The following LRRC49 variants were observed in gnomAD, a reference collection of about 807,000 sequenced individuals.
The protein encoded by LRRC49 is leucine-rich repeat-containing protein 49.
In LRRC49, 50 loss-of-function variants were observed where a neutral mutation model predicts 83.3. The ratio of observed to expected loss-of-function variants is 0.60; its 90% CI spans 0.48 to 0.76. LRRC49 has a LOEUF of 0.76. Among genes scored for constraint, LRRC49 ranks in the 30% least tolerant of loss-of-function variants. The pLI is 0.00. For missense variants in LRRC49, 704 were observed against 809.1 expected, an observed-to-expected ratio of 0.87 and a Z score of 1.58; for synonymous variants, 286 against 283.3, an observed-to-expected ratio of 1.01 and a Z score of -0.10.
intron 11 of LRRC49, among the ~76,000 whole-genome samples, chr15:70,997,362 G>T (rs1419906523): frequency 8.6e-5 from 13 of 151,968 alleles, no homozygotes; most frequent in Non-Finnish European, 1.5e-5. Context: ...GCTCTCTTTT[G>T]GTTACTGTTT....
At chr15:70,984,677 G>A (rs1441359679) in intron 11 of LRRC49, 1 of 153,174 alleles carries the variant, frequency 6.5e-6, no homozygotes, top group Non-Finnish European at 1.4e-5. Flanking sequence ...TGTGCACAAT[G>A]TGCAGGTTAG....
At chr15:70,862,956 G>A (rs993357654) in intron 1 of LRRC49, among the ~76,000 whole-genome samples, 1 of 152,228 alleles carries the variant, frequency 6.6e-6, no homozygotes, top group Non-Finnish European at 1.5e-5. Context: ...GTTGTACACA[G>A]CACGAGGATG....
At chr15:70,990,461 G>C (rs1171053722) in intron 11 of LRRC49, among the ~76,000 whole-genome samples, 1 of 152,208 alleles carries the variant, frequency 6.6e-6, no homozygotes, top group Non-Finnish European at 1.5e-5. Flanking sequence ...TAATCTCCTG[G>C]TGCGCCGTTT....
chr15:70,966,738 G>T (rs2036808344), intron 9 of LRRC49, among the ~76,000 whole-genome samples: 1 of 151,968 alleles, frequency 6.6e-6, no homozygotes, highest in Non-Finnish European at 1.5e-5. Flanking sequence ...TGGCCTAGAG[G>T]CACTGTGAAA....
At chr15:70,893,702 G>A in intron 2 of LRRC49, 62 bp downstream of exon 2, 1 of 1,272,164 alleles carries the variant, frequency 7.9e-7, no homozygotes. Flanking sequence ...ACAAATAGCA[G>A]CATGACTTAA....
At chr15:71,045,500 A>G (rs1400242459) in intron 15 of LRRC49, among the ~76,000 whole-genome samples, 1 of 152,170 alleles carries the variant, frequency 6.6e-6, no homozygotes, top group East Asian at 1.9e-4. Flanking sequence ...GAGATTCAGT[A>G]TTCTACAGAG....
chr15:70,863,148 G>A (rs925422271), intron 1 of LRRC49, among the ~76,000 whole-genome samples: 24 of 152,140 alleles, frequency 1.6e-4, no homozygotes, highest in African/African-American at 5.8e-4. Context: ...TAAGGTAGAG[G>A]CAAACTGAAA....
intron 14 of LRRC49, among the ~76,000 whole-genome samples, chr15:71,018,069 G>A (rs1014234030): frequency 2.6e-5 from 4 of 152,054 alleles, no homozygotes; most frequent in Non-Finnish European, 5.9e-5. Flanking sequence ...GGAGGAGGGG[G>A]AGAAAGATTG....
intron 14 of LRRC49, among the ~76,000 whole-genome samples, chr15:71,022,866 T>C (rs548892452): frequency 7.2e-5 from 11 of 152,208 alleles, no homozygotes; most frequent in Non-Finnish European, 4.4e-5. Context: ...TTGTCAAGCA[T>C]ACATGGAACA....
upstream of LRRC49, among the ~76,000 whole-genome samples, chr15:70,891,655 G>A (rs1208746816): frequency 6.7e-6 from 1 of 150,312 alleles, no homozygotes; most frequent in Non-Finnish European, 1.5e-5. Flanking sequence ...GGAATTAACT[G>A]GGTCACTTAA....
chr15:70,897,683 A>G (rs572839336), intron 3 of LRRC49, among the ~76,000 whole-genome samples: 125 of 152,330 alleles, frequency 8.2e-4, no homozygotes, highest in African/African-American at 3.0e-3. Flanking sequence ...AATCAAACAT[A>G]TCATAGCCTG....
intron 7 of LRRC49, among the ~76,000 whole-genome samples, chr15:70,930,979 TATTA>T (rs2035385516): frequency 6.6e-6 from 1 of 152,208 alleles, no homozygotes; most frequent in Non-Finnish European, 1.5e-5. Flanking sequence ...TGTTTTTATT[TATTA>T]ATTGTGTGTT....
intron 10 of LRRC49, among the ~76,000 whole-genome samples, chr15:70,983,451 C>T (rs2037478506): frequency 6.6e-6 from 1 of 152,166 alleles, no homozygotes; most frequent in Non-Finnish European, 1.5e-5. Flanking sequence ...AGAACCACTA[C>T]CTTAAGACAT....
At chr15:70,886,756 C>T (rs1452498771) in intron 2 of LRRC49, among the ~76,000 whole-genome samples, 2 of 152,058 alleles carry the variant, frequency 1.3e-5, no homozygotes, top group African/African-American at 4.8e-5. Context: ...ATCCCAGCTA[C>T]TCGGGAGGCT....
chr15:70,887,777 A>T (rs142587469), upstream of LRRC49, among the ~76,000 whole-genome samples: 1,643 of 152,308 alleles, frequency 0.011, 31 homozygotes, highest in African/African-American at 0.037. Context: ...AAAAACACGA[A>T]TATCAAACGC....
At chr15:70,913,913 C>G (rs984093919) in intron 6 of LRRC49, among the ~76,000 whole-genome samples, 1 of 151,896 alleles carries the variant, frequency 6.6e-6, no homozygotes, top group African/African-American at 2.4e-5. Flanking sequence ...GCATTATTTA[C>G]CAATCATTAT....
intron 2 of LRRC49, among the ~76,000 whole-genome samples, chr15:70,883,457 G>A (rs987861957): frequency 6.6e-6 from 1 of 152,026 alleles, no homozygotes; most frequent in Non-Finnish European, 1.5e-5. Context: ...GCCTCCCAAA[G>A]TGTTGGGTTT....
intron 1 of LRRC49, among the ~76,000 whole-genome samples, chr15:70,857,210 A>G (rs916495567): frequency 6.6e-6 from 1 of 152,212 alleles, no homozygotes; most frequent in African/African-American, 2.4e-5. Context: ...GGAAAAACTC[A>G]ACCCTAGAAG....
intron 1 of LRRC49, among the ~76,000 whole-genome samples, chr15:70,862,027 C>G (rs2032800893): frequency 6.6e-6 from 1 of 152,158 alleles, no homozygotes. Flanking sequence ...GGTAGAAATT[C>G]TAAGAAACAC....
Sources: gnomAD v4.1 joint callset for allele counts (sites outside exome capture counted in the v4.1 genomes callset) on GRCh38, gnomAD v4.1.1 for gene constraint, MANE v1.5 for transcripts, NCBI Gene and HGNC (gene_info 2026-07-23, HGNC 2026-07-21) for gene names.